The following AGPAT4 variants were observed in gnomAD, a reference collection of about 807,000 sequenced individuals.
AGPAT4 encodes 1-acylglycerol-3-phosphate O-acyltransferase 4, also known as 1-acyl-sn-glycerol-3-phosphate acyltransferase delta.
AGPAT4 carries 15 observed loss-of-function variants against 48.0 expected under a neutral mutation model. The observed-to-expected ratio is 0.31, with a 90% confidence interval of 0.21 to 0.48. AGPAT4 has a LOEUF of 0.48. Ranked by LOEUF, AGPAT4 falls within the 20% of genes least tolerant of loss-of-function variation. The probability of loss-of-function intolerance (pLI) is 0.99; values close to 1 mark genes in which losing one functional copy is unlikely to be tolerated. For synonymous variants in AGPAT4, 178 were observed against 198.7 expected, an observed-to-expected ratio of 0.90 and a Z score of 0.88; for missense variants, 314 against 482.5, an observed-to-expected ratio of 0.65 and a Z score of 3.27.
At chr6:161,170,473 G>GCACA (rs3839450) in intron 2 of AGPAT4, among the ~76,000 whole-genome samples, 13 of 32,652 alleles carry the variant, frequency 4.0e-4, no homozygotes, top group Non-Finnish European at 1.1e-3. Flanking sequence ...GTGCGCGCGC[G>GCACA]CACACACACA....
In AGPAT4 at chr6:161,197,668, GAGCTCC is replaced by G. The variant is rs762715638; in HGVS notation, c.179-31257_179-31252del. On this transcript the variant is annotated intron_variant, in intron 2 of 8. Transcript: ENST00000320285. This position sits in a 1 kb window ranked among gnomAD's most constrained non-coding sequence, Gnocchi z 5.7. ...CTAACCTAGAGCCGTTGTCTTGCAG[GAGCTCC>G]TAGAAGGACTGGACAGGTGGAAGGG... Among the ~76,000 whole-genome samples, 9 of 152,144 alleles carry G rather than the reference GAGCTCC, an allele frequency of 5.9e-5. No homozygotes were observed. The highest frequency in any genetic ancestry group is 1.3e-4 in the Non-Finnish European group (9 of 68,008).
intron 1 of AGPAT4, among the ~76,000 whole-genome samples, chr6:161,271,938 C>T (rs1783436377): frequency 6.6e-6 from 1 of 152,174 alleles, no homozygotes. Flanking sequence ...GAATTCTTTG[C>T]AAACATCAGA....
intron 1 of AGPAT4, among the ~76,000 whole-genome samples, chr6:161,237,003 C>T (rs575051927): frequency 3.4e-4 from 51 of 152,074 alleles, no homozygotes; most frequent in East Asian, 7.7e-4. Flanking sequence ...CAAAAGGGAT[C>T]GCGGAAACAC....
In AGPAT4 at chr6:161,212,683, G is replaced by A. The variant is rs1781550531; in HGVS notation, c.178+19353C>T. 6.6e-6 allele frequency among the ~76,000 whole-genome samples: 1 copy of A among 152,052 alleles called. No homozygotes were observed. Among genetic ancestry groups the A allele is most frequent in the Non-Finnish European group, 1.5e-5 (1 of 68,000 alleles). On this transcript the variant is annotated intron_variant, in intron 2 of 8. Coordinates refer to ENST00000320285, the MANE Select transcript of AGPAT4 (RefSeq NM_020133.3). The surrounding 1 kb of genome is among the most constrained non-coding windows in gnomAD (Gnocchi z 6.1). ...ATGTTAAATTGTTAGTGTGCCACAA[G>A]GTAACAAATTTCCTTGTCAATTGTG...
intron 1 of AGPAT4, among the ~76,000 whole-genome samples, chr6:161,268,277 G>A (rs1248260474): frequency 6.6e-6 from 1 of 152,164 alleles, no homozygotes; most frequent in Non-Finnish European, 1.5e-5. Context: ...TGTCTCTAAT[G>A]ACCTCTGCAG....
In AGPAT4 at chr6:161,137,775, G is replaced by C. The variant is rs1779117854; in HGVS notation, c.1043-1141C>G. On this transcript the variant is annotated intron_variant, in intron 8 of 8. Coordinates refer to ENST00000320285, the MANE Select transcript of AGPAT4 (RefSeq NM_020133.3). This position sits in a 1 kb window ranked among gnomAD's most constrained non-coding sequence, Gnocchi z 6.1. Reference sequence around the variant, plus strand: ...CACACTGCACCCCTCAGATGCTCCTGAAGACTCCCTGTGTCCACACTGCAC... The same window carrying C: ...CACACTGCACCCCTCAGATGCTCCTCAAGACTCCCTGTGTCCACACTGCAC... Among the ~76,000 whole-genome samples the C allele has an allele frequency of 6.6e-6, 1 of 151,462 alleles. No homozygotes were observed.
chr6:161,261,404 C>T lies in AGPAT4; in HGVS notation c.-90+12534G>A, dbSNP rs527495852. On this transcript the variant is annotated intron_variant, in intron 1 of 8. Coordinates refer to ENST00000320285, the MANE Select transcript of AGPAT4 (RefSeq NM_020133.3). This position sits in a 1 kb window ranked among gnomAD's most constrained non-coding sequence, Gnocchi z 5.3. ...TCCTCAGGAGCTGAGTGTCTTTCACCATCATATCCACAGCTCCCAGCACAG... is the reference window on the plus strand; with the variant it reads ...TCCTCAGGAGCTGAGTGTCTTTCACTATCATATCCACAGCTCCCAGCACAG... Among the ~76,000 whole-genome samples the T allele has an allele frequency of 4.4e-3, 669 of 152,302 alleles. 7 individuals carry two copies. Among genetic ancestry groups the T allele is most frequent in the African/African-American group, 0.015 (639 of 41,564 alleles).
At chr6:161,205,306 G>A (rs1179051050) in intron 2 of AGPAT4, among the ~76,000 whole-genome samples, 1 of 152,074 alleles carries the variant, frequency 6.6e-6, no homozygotes, top group East Asian at 1.9e-4. Context: ...GGAGCCAAAT[G>A]GTGAGAACCA....
At chr6:161,207,248 C>A (rs886440748) in intron 2 of AGPAT4, among the ~76,000 whole-genome samples, 12 of 152,298 alleles carry the variant, frequency 7.9e-5, no homozygotes, top group Admixed American at 2.6e-4. Context: ...TGAAATCAGT[C>A]ATTGAAGATA....
rs983250602 is a variant in AGPAT4, at chr6:161,197,917, C to T, written c.179-31500G>A. On this transcript the variant is annotated intron_variant, in intron 2 of 8. Transcript: ENST00000320285. This position sits in a 1 kb window ranked among gnomAD's most constrained non-coding sequence, Gnocchi z 5.7. ...CTGTCAATAGCAATGAAAAGCTACA[C>T]GTAGGGTTTACCCAGACAATTCGGG... 4.6e-5 allele frequency among the ~76,000 whole-genome samples: 7 copies of T among 152,186 alleles called. No homozygotes were observed. Among genetic ancestry groups the T allele is most frequent in the Admixed American group, 2.0e-4 (3 of 15,280 alleles).
rs1473733819 is a variant in AGPAT4, at chr6:161,142,971, G to A, written c.844-3351C>T. On this transcript the variant is annotated intron_variant, in intron 7 of 8. Coordinates refer to ENST00000320285, the MANE Select transcript of AGPAT4 (RefSeq NM_020133.3). The surrounding 1 kb of genome is among the most constrained non-coding windows in gnomAD (Gnocchi z 6.4). ...TTGAAGGCCAGAGCAGGAGAGCACA[G>A]TGTTTCCCACGGGCCACCATGCCTG... Among the ~76,000 whole-genome samples the A allele has an allele frequency of 6.6e-6, 1 of 152,234 alleles. No homozygotes were observed. The highest frequency in any genetic ancestry group is 2.4e-5 in the African/African-American group (1 of 41,470).
chr6:161,170,234 A>C (rs1264332895), intron 2 of AGPAT4, among the ~76,000 whole-genome samples: 1 of 152,060 alleles, frequency 6.6e-6, no homozygotes, highest in Non-Finnish European at 1.5e-5. Context: ...ATGCAGATAC[A>C]ACTTCCCTAC....
rs186587284 is a variant in AGPAT4 at position 161,155,638 on chromosome 6, T to G, written c.349-1328A>C. ...TAGGTTTAGCATCTCCATTTTCTGA[T>G]GGAGTTTGTTTTTCACACAAATCCA... On this transcript the variant is annotated intron_variant, in intron 3 of 8. Transcript: ENST00000320285. This position sits in a 1 kb window ranked among gnomAD's most constrained non-coding sequence, Gnocchi z 5.8. Among the ~76,000 whole-genome samples, 3 of 152,258 alleles carry G rather than the reference T, an allele frequency of 2.0e-5. No individual in the cohort carries two copies. The highest frequency in any genetic ancestry group is 7.2e-5 in the African/African-American group (3 of 41,480).
Position 161,272,697 on chromosome 6 carries a change from T to G in AGPAT4, c.-90+1241A>C, listed in dbSNP as rs1311103386. ...CCCTGTTCTCCCTGCCCGCCTCCCA[T>G]TTCCCTAAACACACACACACACACA... On this transcript the variant is annotated intron_variant, in intron 1 of 8. Coordinates refer to ENST00000320285, the MANE Select transcript of AGPAT4 (RefSeq NM_020133.3). The surrounding 1 kb of genome is among the most constrained non-coding windows in gnomAD (Gnocchi z 4.2). 2.1e-5 allele frequency among the ~76,000 whole-genome samples: 3 copies of G among 139,894 alleles called. No individual in the cohort carries two copies. The highest frequency in any genetic ancestry group is 9.1e-5 in the African/African-American group (3 of 32,864). 91.8% of individuals were successfully genotyped at this position (139,894 alleles called of 152,430 possible). A position where few individuals can be genotyped will look rare whatever the true frequency, so the allele number is the denominator to read the frequency against.
In AGPAT4 at chr6:161,271,778, GA is replaced by G. The variant is rs1413903419; in HGVS notation, c.-90+2159del. ...TCTATTCCATTAGGCTTTTTGCTGT[GA>G]AATTTTGAATCTGGAAACTCAAGAG... On this transcript the variant is annotated intron_variant, in intron 1 of 8. Transcript: ENST00000320285. 3.9e-5 allele frequency among the ~76,000 whole-genome samples: 6 copies of G among 152,102 alleles called. No individual in the cohort carries two copies. The East Asian group carries it at 1.2e-3, about 29-fold the overall frequency.
Position 161,189,883 on chromosome 6 carries a change from G to A in AGPAT4, c.179-23466C>T, listed in dbSNP as rs982897045. On this transcript the variant is annotated intron_variant, in intron 2 of 8. Transcript: ENST00000320285. The surrounding 1 kb of genome is among the most constrained non-coding windows in gnomAD (Gnocchi z 5.3). ...TGTCTTATCAGTTCTGAAATGCTCC[G>A]TTGGTTCACATTTTAACATGCTGAA... Among the ~76,000 whole-genome samples the A allele has an allele frequency of 3.3e-5, 5 of 152,194 alleles. No homozygotes were observed. Among genetic ancestry groups the A allele is most frequent in the Admixed American group, 6.5e-5 (1 of 15,284 alleles).
intron 2 of AGPAT4, among the ~76,000 whole-genome samples, chr6:161,228,065 C>T (rs1472396237): frequency 1.3e-5 from 2 of 152,186 alleles, no homozygotes; most frequent in African/African-American, 4.8e-5. Context: ...CTCGCCACCA[C>T]CGGTCCCCCT....
intron 2 of AGPAT4, among the ~76,000 whole-genome samples, chr6:161,227,712 T>C (rs1782019503): frequency 6.6e-6 from 1 of 152,182 alleles, no homozygotes; most frequent in Admixed American, 6.5e-5. Context: ...GACTTACACA[T>C]CCTGAAGTAT....
chr6:161,264,599 C>T lies in AGPAT4; in HGVS notation c.-90+9339G>A, dbSNP rs1000873882. Among the ~76,000 whole-genome samples, 1 of 152,216 alleles carries T rather than the reference C, an allele frequency of 6.6e-6. No homozygotes were observed. The highest frequency in any genetic ancestry group is 6.5e-5 in the Admixed American group (1 of 15,286). On this transcript the variant is annotated intron_variant, in intron 1 of 8. Coordinates refer to ENST00000320285, the MANE Select transcript of AGPAT4 (RefSeq NM_020133.3). This position sits in a 1 kb window ranked among gnomAD's most constrained non-coding sequence, Gnocchi z 6.8. ...CAAGTCTTATCCACTGCGTGGGAACCCCTCGCTGAGGCTTCCGTCTTGCCC... is the reference window on the plus strand; with the variant it reads ...CAAGTCTTATCCACTGCGTGGGAACTCCTCGCTGAGGCTTCCGTCTTGCCC...
Sources: allele counts gnomAD v4.1 joint callset (sites outside exome capture counted in the v4.1 genomes callset), GRCh38; gene constraint gnomAD v4.1.1; non-coding constraint Gnocchi (gnomAD v3.1); transcripts MANE v1.5; gene names NCBI Gene and HGNC (gene_info 2026-07-23, HGNC 2026-07-21).